Variants in POT1 observed in about 807,000 individuals in gnomAD.
POT1 encodes protection of telomeres protein 1.
In POT1, 47 loss-of-function variants were observed where a neutral mutation model predicts 78.5. That is an observed-to-expected ratio of 0.60 (90% CI 0.47 to 0.76). The LOEUF is 0.76. Ranked by LOEUF, POT1 falls within the 30% of genes least tolerant of loss-of-function variation. The pLI, the probability that POT1 is intolerant of heterozygous loss-of-function variation, is 0.00. For synonymous variants in POT1, 259 were observed against 260.7 expected (o/e 0.99, Z 0.06); for missense variants, 646 against 749.9 (o/e 0.86, Z 1.62).
chr7:124,923,013 A>G (rs974470350), intron 2 of POT1, among the ~76,000 whole-genome samples: 3 of 151,656 alleles, frequency 2.0e-5, no homozygotes, highest in African/African-American at 7.3e-5. Context: ...TTCAGAAAAC[A>G]TTTCTTTGCT....
At chr7:124,825,204 C>T (rs377756483) in intron 18 of POT1, 48 bp downstream of exon 18, 5 of 1,245,766 alleles carry the variant, frequency 4.0e-6, no homozygotes, top group South Asian at 3.8e-5. Flanking sequence ...TATGTTAGTG[C>T]TATCTCAAGT....
intron 11 of POT1, among the ~76,000 whole-genome samples, chr7:124,850,971 A>G (rs1048593607): frequency 6.6e-6 from 1 of 151,164 alleles, no homozygotes; most frequent in Non-Finnish European, 1.5e-5. Flanking sequence ...ATGCAGAAGT[A>G]GAAATTAAGA....
intron 7 of POT1, among the ~76,000 whole-genome samples, chr7:124,866,562 C>G (rs1795730617): frequency 6.6e-6 from 1 of 152,192 alleles, no homozygotes; most frequent in Non-Finnish European, 1.5e-5. Context: ...TAGACATCCC[C>G]TTCTGTATAA....
chr7:124,867,014 T>A (rs1450770418), intron 7 of POT1, among the ~76,000 whole-genome samples: 2 of 152,200 alleles, frequency 1.3e-5, no homozygotes, highest in African/African-American at 4.8e-5. Context: ...TTATCACCAA[T>A]TCCATGCTCA....
At position 124,825,252 on chromosome 7, in the gene POT1, C is replaced by T. The variant is rs1487204320; in HGVS notation, c.1792G>A (p.Asp598Asn). ...DMFCPPGIKI[D>N]AYPWLECFIK... ...GGATTGTTAAAATATTCTTGCCTACCAATTTTTATTCCTGGAGGACAAAAC... is the reference window on the plus strand; with the variant it reads ...GGATTGTTAAAATATTCTTGCCTACTAATTTTTATTCCTGGAGGACAAAAC... Residue 598 changes from aspartate to asparagine, a missense_variant and splice_region_variant, in exon 18 of 19, where the codon GAT (aspartate) becomes AAT (asparagine). Asp to Asn is a conservative substitution (Grantham distance 23). This residue lies in a region of POT1 where 394 missense variants were observed against 408.4 expected (regional missense o/e 0.96). Transcript: ENST00000357628. 6.3e-7 allele frequency: 1 copy of T among 1,596,562 alleles called. No homozygotes were observed. The highest frequency in any genetic ancestry group is 8.6e-7 in the Non-Finnish European group (1 of 1,167,832).
At chr7:124,904,037 C>CA (rs1031215255) in intron 3 of POT1, among the ~76,000 whole-genome samples, 1 of 151,982 alleles carries the variant, frequency 6.6e-6, no homozygotes, top group Non-Finnish European at 1.5e-5. Context: ...GCCTAACAAC[C>CA]AAAAAAAGTC....
intron 11 of POT1, among the ~76,000 whole-genome samples, chr7:124,847,973 A>G (rs1285777531): frequency 6.6e-6 from 1 of 152,260 alleles, no homozygotes; most frequent in Non-Finnish European, 1.5e-5. Context: ...AAATGATGTC[A>G]TAACAACTAG....
At chr7:124,870,793 T>G in intron 7 of POT1, 118 bp downstream of exon 7, 1 of 757,102 alleles carries the variant, frequency 1.3e-6, no homozygotes, top group Non-Finnish European at 1.9e-6. Flanking sequence ...TCTTATCTCC[T>G]GAAAAGCTTG....
intron 7 of POT1, among the ~76,000 whole-genome samples, chr7:124,866,175 T>C (rs1795718367): frequency 6.6e-6 from 1 of 152,152 alleles, no homozygotes; most frequent in South Asian, 2.1e-4. Context: ...CAAAGTCTTC[T>C]ACCTTGATGG....
chr7:124,880,322 T>C (rs1290772952), intron 6 of POT1, among the ~76,000 whole-genome samples: 1 of 152,116 alleles, frequency 6.6e-6, no homozygotes, highest in Non-Finnish European at 1.5e-5. Context: ...TCTCTCACTT[T>C]AAATGCTCCA....
chr7:124,828,782 C>G (rs971421206), intron 16 of POT1, among the ~76,000 whole-genome samples: 1 of 152,030 alleles, frequency 6.6e-6, no homozygotes, highest in Non-Finnish European at 1.5e-5. Flanking sequence ...TTTCACTGGA[C>G]CACAAATAAA....
Position 124,898,269 on chromosome 7 carries a change from T to C in POT1, c.-48A>G, listed in dbSNP as rs1486583450. The C allele has an allele frequency of 1.3e-5, 2 of 151,894 alleles. No homozygotes were observed. Among genetic ancestry groups the C allele is most frequent in the African/African-American group, 4.8e-5 (2 of 41,400 alleles). The allele number at this position is 151,894 out of a possible 1,614,324, so 9.4% of individuals were successfully genotyped here. Reference sequence around the variant, plus strand: ...AAAAGCTGCATACTTACATAAACAGTTGATTTGAGGTCTTCAAATGCTTTC... The same window carrying C: ...AAAAGCTGCATACTTACATAAACAGCTGATTTGAGGTCTTCAAATGCTTTC... On this transcript the variant is annotated 5_prime_UTR_variant, in exon 4 of 19. Coordinates refer to ENST00000357628, the MANE Select transcript of POT1 (RefSeq NM_015450.3).
At chr7:124,857,465 T>C (rs1795473527) in intron 9 of POT1, among the ~76,000 whole-genome samples, 1 of 152,166 alleles carries the variant, frequency 6.6e-6, no homozygotes, top group East Asian at 1.9e-4. Context: ...ATGTTGCCTT[T>C]TCTAAAACCA....
chr7:124,863,589 A>T lies in POT1; in HGVS notation c.307T>A (p.Ser103Thr). The change falls in exon 8 of 19, where the codon TCT (serine) becomes ACT (threonine). Residue 103 changes from serine (S) to threonine (T), a missense_variant. Coordinates refer to ENST00000357628, the MANE Select transcript of POT1 (RefSeq NM_015450.3). ...TQGITSSGFA[S>T]LTFEGTLGAP... ...CCCAAAGTTCCCTCAAACGTCAAAG[A>T]TGCAAAGCCAGAGCTGGTGATACCC... 6.2e-7 allele frequency: 1 copy of T among 1,613,880 alleles called. No homozygotes were observed. The highest frequency in any genetic ancestry group is 8.5e-7 in the Non-Finnish European group (1 of 1,179,806).
At chr7:124,863,681 A>C (rs1372347965) in intron 7 of POT1, 41 bp from the exon 8 acceptor site, 1 of 1,461,946 alleles carries the variant, frequency 6.8e-7, no homozygotes, top group East Asian at 2.3e-5. Flanking sequence ...TACAAATAAA[A>C]TAGCTTACTG....
chr7:124,920,747 C>T (rs1235233883), intron 2 of POT1, among the ~76,000 whole-genome samples: 1 of 151,862 alleles, frequency 6.6e-6, no homozygotes, highest in Non-Finnish European at 1.5e-5. Context: ...CTAGTTTTAA[C>T]CCTAGTAGAT....
At chr7:124,922,483 G>C (rs1392645813) in intron 2 of POT1, among the ~76,000 whole-genome samples, 1 of 151,874 alleles carries the variant, frequency 6.6e-6, no homozygotes, top group African/African-American at 2.4e-5. Context: ...TGAGTAAATG[G>C]AATTTCACTA....
intron 11 of POT1, chr7:124,848,670 A>C (rs932790418): frequency 5.9e-6 from 1 of 170,706 alleles, no homozygotes; most frequent in Non-Finnish European, 1.3e-5. Flanking sequence ...CTCAAAAGAA[A>C]AAAAAAAAAA....
At chr7:124,830,778 A>C (rs1235974111) in intron 15 of POT1, among the ~76,000 whole-genome samples, 1 of 152,142 alleles carries the variant, frequency 6.6e-6, no homozygotes, top group Non-Finnish European at 1.5e-5. Context: ...AAGGGATGAG[A>C]GTAACCTATA....
Sources: allele counts gnomAD v4.1 joint callset (sites outside exome capture counted in the v4.1 genomes callset), GRCh38; gene constraint gnomAD v4.1.1; regional missense constraint gnomAD v4.1.1; transcripts MANE v1.5; gene names NCBI Gene and HGNC (gene_info 2026-07-23, HGNC 2026-07-21).